Variants in UAP1L1 observed in about 807,000 individuals in gnomAD.
The protein encoded by UAP1L1 is UDP-N-acetylglucosamine pyrophosphorylase 1 like 1.
In UAP1L1, 45 loss-of-function variants were observed where a neutral mutation model predicts 45.3. The observed-to-expected ratio is 0.99, with a 90% CI of 0.78 to 1.27. UAP1L1 has a LOEUF of 1.27. UAP1L1 is among the 50% of genes most tolerant of loss of function. The pLI is 0.00. For missense variants in UAP1L1, 667 were observed against 694.0 expected, an observed-to-expected ratio of 0.96 and a Z score of 0.44; for synonymous variants, 323 against 303.9, an observed-to-expected ratio of 1.06 and a Z score of -0.65.
chr9:137,081,961 T>C, intron 7 of UAP1L1, 37 bp from the exon 8 acceptor site: 1 of 1,609,178 alleles, frequency 6.2e-7, no homozygotes, highest in Middle Eastern at 1.7e-4. Flanking sequence ...TCTGGGCAGG[T>C]GCTGCAAGGA....
In UAP1L1 at chr9:137,078,360, C is replaced by T. The variant is rs771136088; in HGVS notation, c.494+106C>T. 18 of 1,561,230 alleles carry T rather than the reference C, an allele frequency of 1.2e-5. No homozygotes were observed. In the Admixed American group the frequency reaches 2.1e-4, roughly 18 times the overall value. ...AACCCCGGCACAGACCGGGACATTG[C>T]CCAGAACCGGCCCAAAATGGGGCCT... is the stretch of plus-strand genomic sequence containing the variant. On this transcript the variant is annotated intron_variant, in intron 2 of 8. Transcript: ENST00000409858.
intron 7 of UAP1L1, 52 bp from the exon 8 acceptor site, chr9:137,081,946 A>T: frequency 6.4e-7 from 1 of 1,572,420 alleles, no homozygotes; most frequent in South Asian, 1.1e-5. Context: ...GTGCTGGGGG[A>T]GGGCTCTGGG....
intron 3 of UAP1L1, 39 bp from the exon 4 acceptor site, chr9:137,078,937 G>C (rs773674779): frequency 5.8e-6 from 9 of 1,552,428 alleles, no homozygotes; most frequent in Non-Finnish European, 6.9e-6. Context: ...GATCCCTGGC[G>C]GGAGCCCTCG....
rs1832824888 is a variant in UAP1L1 at position 137,083,506 on chromosome 9, C to T, written c.*777C>T. 1 of 152,330 alleles carries T rather than the reference C, an allele frequency of 6.6e-6. No individual in the cohort carries two copies. The highest frequency in any genetic ancestry group is 1.5e-5 in the Non-Finnish European group (1 of 68,112). 9.4% of individuals were successfully genotyped at this position (152,330 alleles called of 1,614,324 possible). A position where few individuals can be genotyped will look rare whatever the true frequency, so the allele number is the denominator to read the frequency against. Reference sequence around the variant, plus strand: ...TAGGCTGCTGAGTTTTCTGTGCTTCCCCAAGAACCAGTGGGATCAATGCCG... The same window carrying T: ...TAGGCTGCTGAGTTTTCTGTGCTTCTCCAAGAACCAGTGGGATCAATGCCG... On this transcript the variant is annotated 3_prime_UTR_variant, in exon 9 of 9. Transcript: ENST00000409858.
Position 137,082,039 on chromosome 9 carries a change from C to CTGAT in UAP1L1, c.1406_1407insTGAT (p.Pro470AspfsTer28). ...GACCCTCCGGCCATCTGTGAGATAT[C>CTGAT]GCCCTTGGTGTCTTACTCTGGAGAG... On this transcript the variant is annotated frameshift_variant, in exon 8 of 9. Coordinates refer to ENST00000409858, the MANE Select transcript of UAP1L1 (RefSeq NM_207309.3). LOFTEE classifies it high-confidence loss of function. This position sits in a 1 kb window ranked among gnomAD's most constrained non-coding sequence, Gnocchi z 5.7. 1 of 1,614,058 alleles carries CTGAT rather than the reference C, an allele frequency of 6.2e-7. No homozygotes were observed. Among genetic ancestry groups the CTGAT allele is most frequent in the Non-Finnish European group, 8.5e-7 (1 of 1,180,002 alleles).
chr9:137,083,051 G>C lies in UAP1L1; in HGVS notation c.*322G>C, dbSNP rs1832817019. ...GAGGGACTTGGGACCTGGGAGAATG[G>C]GGCTGAGAGGAGGCTTCGGGTTGGG... On this transcript the variant is annotated 3_prime_UTR_variant, in exon 9 of 9. Transcript: ENST00000409858. 2 of 331,118 alleles carry C rather than the reference G, an allele frequency of 6.0e-6. No homozygotes were observed. The highest frequency in any genetic ancestry group is 7.7e-5 in the South Asian group (2 of 26,084). 20.5% of individuals were successfully genotyped at this position (331,118 alleles called of 1,614,324 possible). A position where few individuals can be genotyped will look rare whatever the true frequency, so the allele number is the denominator to read the frequency against.
rs1451342906 is a variant in UAP1L1 at position 137,077,527 on chromosome 9, G to A, written c.-6G>A. ...GAGTGCCGACTTGACAGACGGCAGC[G>A]GCGACATGGCTTCGGAGCAGGACGT... On this transcript the variant is annotated 5_prime_UTR_variant, in exon 1 of 9. Transcript: ENST00000409858. The surrounding 1 kb of genome is among the most constrained non-coding windows in gnomAD (Gnocchi z 4.7). 2 of 1,361,596 alleles carry A rather than the reference G, an allele frequency of 1.5e-6. No individual in the cohort carries two copies. Among genetic ancestry groups the A allele is most frequent in the Non-Finnish European group, 9.5e-7 (1 of 1,047,882 alleles). 84.3% of individuals were successfully genotyped at this position (1,361,596 alleles called of 1,614,324 possible).
At chr9:137,079,774 G>T in intron 5 of UAP1L1, 2 of 617,802 alleles carry the variant, frequency 3.2e-6, no homozygotes, top group Non-Finnish European at 5.6e-6. Flanking sequence ...GTTTGCCTGG[G>T]CAGGGATGTG....
intron 4 of UAP1L1, 32 bp from the exon 5 acceptor site, chr9:137,079,224 C>A (rs1259988342): frequency 6.3e-7 from 1 of 1,598,214 alleles, no homozygotes; most frequent in Admixed American, 1.8e-5. Context: ...CTCCGCCCAG[C>A]CCTCGGAACC....
chr9:137,079,210 G>A, intron 4 of UAP1L1, 46 bp from the exon 5 acceptor site: 3 of 1,450,888 alleles, frequency 2.1e-6, no homozygotes, highest in East Asian at 2.5e-5. Flanking sequence ...ACGGAGCCCC[G>A]CCCCTCCGCC....
rs926913972 is a variant in UAP1L1 at position 137,083,056 on chromosome 9, G to C, written c.*327G>C. On this transcript the variant is annotated 3_prime_UTR_variant, in exon 9 of 9. Coordinates refer to ENST00000409858, the MANE Select transcript of UAP1L1 (RefSeq NM_207309.3). ...ACTTGGGACCTGGGAGAATGGGGCT[G>C]AGAGGAGGCTTCGGGTTGGGGCCCA... 1.2e-5 allele frequency: 4 copies of C among 325,332 alleles called. No individual in the cohort carries two copies. The highest frequency in any genetic ancestry group is 1.8e-5 in the Non-Finnish European group (3 of 166,718). The allele number at this position is 325,332 out of a possible 1,614,324, so 20.2% of individuals were successfully genotyped here.
At position 137,079,042 on chromosome 9, in the gene UAP1L1, G is replaced by T; in HGVS notation, c.737G>T (p.Gly246Val). ...ATCCTGGAGGACATGGAGCGCCGGG[G>T]AGTGGAGTTTGTGCACGTGTACTGT... ...HKILEDMERR[G>V]VEFVHVYCVD... Residue 246 changes from glycine to valine, a missense_variant, in exon 4 of 9, where the codon GGA becomes GTA. By Grantham distance (109) the Gly-to-Val change is moderately radical. Coordinates refer to ENST00000409858, the MANE Select transcript of UAP1L1 (RefSeq NM_207309.3). The T allele has an allele frequency of 6.2e-7, 1 of 1,608,052 alleles. No individual in the cohort carries two copies. The highest frequency in any genetic ancestry group is 2.2e-5 in the East Asian group (1 of 44,864).
In UAP1L1 at chr9:137,083,786, A is replaced by T. The variant is rs1002128380; in HGVS notation, c.*1057A>T. ...CAGTGGCACCTCCCTCTCCCTGCTG[A>T]CATGAAGAGAGCTATGATATGCCAC... On this transcript the variant is annotated 3_prime_UTR_variant, in exon 9 of 9. Transcript: ENST00000409858. The T allele has an allele frequency of 6.6e-6, 1 of 152,254 alleles. No individual in the cohort carries two copies. Among genetic ancestry groups the T allele is most frequent in the Non-Finnish European group, 1.5e-5 (1 of 68,086 alleles). The allele number at this position is 152,254 out of a possible 1,614,324, so 9.4% of individuals were successfully genotyped here.
In UAP1L1 at chr9:137,079,314, T is replaced by C; in HGVS notation, c.902T>C (p.Val301Ala). The C allele has an allele frequency of 1.9e-6, 3 of 1,612,712 alleles. No individual in the cohort carries two copies. The highest frequency in any genetic ancestry group is 2.5e-6 in the Non-Finnish European group (3 of 1,179,638). The stretch of plus-strand genomic sequence containing the variant: ...GGCGTGGTGTGCCAGGTGGACGGTG[T>C]CCCCCAGGTGGTGGAGTACAGCGAG... Reference protein sequence around the residue: ...PVGVVCQVDGVPQVVEYSEIS... With the variant: ...PVGVVCQVDGAPQVVEYSEIS... The change falls in exon 5 of 9, where the codon GTC becomes GCC. Residue 301 changes from valine to alanine, a missense_variant. Physicochemically the swap from Val to Ala is moderately conservative, Grantham distance 64. Coordinates refer to ENST00000409858, the MANE Select transcript of UAP1L1 (RefSeq NM_207309.3).
chr9:137,080,244 AAGGGCCCCGCGGGCAAGTCTC>A, intron 6 of UAP1L1, 102 bp downstream of exon 6: 1 of 1,488,312 alleles, frequency 6.7e-7, no homozygotes, highest in Non-Finnish European at 9.2e-7. Context: ...TGAGGGAGCC[AAGGGCCCCGCGGGCAAGTCTC>A]AGGGAGAAGA....
chr9:137,082,407 A>G lies in UAP1L1; in HGVS notation c.1432-230A>G, dbSNP rs999664884. On this transcript the variant is annotated intron_variant, in intron 8 of 8. Transcript: ENST00000409858. This position sits in a 1 kb window ranked among gnomAD's most constrained non-coding sequence, Gnocchi z 5.7. ...TTGCCCCTTTCTCTGGTCAGGTCAG[A>G]CCTGTGCGTGACAGGAGGGTCCCCT... The G allele has an allele frequency of 3.4e-6, 2 of 593,992 alleles. No individual in the cohort carries two copies. Among genetic ancestry groups the G allele is most frequent in the Non-Finnish European group, 6.0e-6 (2 of 333,300 alleles). The allele number at this position is 593,992 out of a possible 1,614,324, so 36.8% of individuals were successfully genotyped here. A position where few individuals can be genotyped will look rare whatever the true frequency, so the allele number is the denominator to read the frequency against.
chr9:137,078,493 C>G lies in UAP1L1; in HGVS notation c.495-9C>G, dbSNP rs201775505. 11 of 1,612,830 alleles carry G rather than the reference C, an allele frequency of 6.8e-6. No individual in the cohort carries two copies. The African/African-American group carries it at 8.0e-5, about 12-fold the overall frequency. The stretch of plus-strand genomic sequence containing the variant: ...TACTCGCGGCCGGCTCACCGCGCCT[C>G]CCTTGCAGGTACGTCATGACCAGCG... On this transcript the variant is annotated splice_polypyrimidine_tract_variant and intron_variant, in intron 2 of 8. Coordinates refer to ENST00000409858, the MANE Select transcript of UAP1L1 (RefSeq NM_207309.3).
At position 137,078,658 on chromosome 9, in the gene UAP1L1, C is replaced by T; in HGVS notation, c.651C>T (p.Asp217=). The T allele has an allele frequency of 6.2e-7, 1 of 1,612,440 alleles. No individual in the cohort carries two copies. The highest frequency in any genetic ancestry group is 8.5e-7 in the Non-Finnish European group (1 of 1,179,620). ...FDGKVILERK[D]KVAMAPDGNG... ...GCAAGGTTATCCTGGAGCGGAAAGA[C>T]AAAGTTGCCATGGCCCCAGGTGTGG... is the stretch of plus-strand genomic sequence containing the variant. Residue 217 remains aspartate (D), a synonymous_variant, in exon 3 of 9, where the codon GAC becomes GAT. Coordinates refer to ENST00000409858, the MANE Select transcript of UAP1L1 (RefSeq NM_207309.3).
intron 2 of UAP1L1, 107 bp from the exon 3 acceptor site, chr9:137,078,395 C>G (rs2131540148): frequency 1.9e-6 from 3 of 1,589,242 alleles, no homozygotes; most frequent in Non-Finnish European, 2.6e-6. Context: ...TGGCCCCAGC[C>G]CCAACTGGAC....
Sources: allele counts gnomAD v4.1 joint callset, GRCh38; gene constraint gnomAD v4.1.1; non-coding constraint Gnocchi (gnomAD v3.1); transcripts MANE v1.5; gene names NCBI Gene and HGNC (gene_info 2026-07-23, HGNC 2026-07-21).